The following C10orf90 variants were observed in gnomAD, a reference collection of about 807,000 sequenced individuals.
The protein encoded by C10orf90 is chromosome 10 open reading frame 90.
Under a neutral mutation model 62.5 loss-of-function variants are expected in C10orf90, and 56 were observed. The ratio of observed to expected loss-of-function variants is 0.90; its 90% CI spans 0.72 to 1.12. C10orf90 has a LOEUF of 1.12. Ranked by LOEUF, C10orf90 falls within the 50% of genes most tolerant of loss-of-function variation. The pLI is 0.00. For synonymous variants in C10orf90, 386 were observed against 340.4 expected (o/e 1.13, Z -1.47); for missense variants, 970 against 880.4 (o/e 1.10, Z -1.29).
intron 4 of C10orf90, among the ~76,000 whole-genome samples, chr10:126,474,899 C>A (rs896279669): frequency 6.6e-6 from 1 of 152,204 alleles, no homozygotes; most frequent in Non-Finnish European, 1.5e-5. Context: ...GCTTTGTCCT[C>A]TGTCAGCAAG....
intron 8 of C10orf90, among the ~76,000 whole-genome samples, chr10:126,427,791 C>CT (rs1297536175): frequency 2.0e-5 from 3 of 152,184 alleles, no homozygotes; most frequent in Non-Finnish European, 4.4e-5. Flanking sequence ...TTGACTTGGA[C>CT]TGAGCCACTA....
intron 4 of C10orf90, among the ~76,000 whole-genome samples, chr10:126,482,250 G>C (rs575838110): frequency 9.9e-5 from 15 of 152,186 alleles, no homozygotes; most frequent in Admixed American, 9.2e-4. Context: ...TCTTATGAGG[G>C]GGAGGGGAAA....
At chr10:126,450,884 A>G (rs1459822957) in intron 7 of C10orf90, among the ~76,000 whole-genome samples, 3 of 152,186 alleles carry the variant, frequency 2.0e-5, no homozygotes, top group Non-Finnish European at 4.4e-5. Flanking sequence ...CAAAGGAAAC[A>G]ATCAACAGAA....
intron 2 of C10orf90, among the ~76,000 whole-genome samples, chr10:126,605,747 T>C (rs1011400280): frequency 3.3e-5 from 5 of 152,062 alleles, no homozygotes; most frequent in Non-Finnish European, 7.4e-5. Flanking sequence ...ACCTGGACTC[T>C]AGCAATGACT....
intron 2 of C10orf90, among the ~76,000 whole-genome samples, chr10:126,565,203 T>TTATGTAATATAATATTTATATTACATAA (rs1844328225): frequency 8.1e-5 from 2 of 24,744 alleles, no homozygotes; most frequent in African/African-American, 2.3e-4. Context: ...ATATTACATA[T>TTATGTAATATAATATTTATATTACATAA]TATGTAATAT....
Position 126,661,151 on chromosome 10 carries a change from A to G in C10orf90, c.240+9090T>C, listed in dbSNP as rs575287138. On this transcript the variant is annotated intron_variant, in intron 1 of 9. Transcript: ENST00000488181. ...CCTCCAGGTCACAGGAGCAGCATCC[A>G]TAAAGTACTAGTTACAATTTGCCTG... Among the ~76,000 whole-genome samples the G allele has an allele frequency of 1.1e-4, 16 of 152,306 alleles. No homozygotes were observed. The South Asian group carries it at 3.3e-3, about 32-fold the overall frequency.
At chr10:126,474,123 C>G (rs1395398592) in intron 4 of C10orf90, among the ~76,000 whole-genome samples, 1 of 152,186 alleles carries the variant, frequency 6.6e-6, no homozygotes, top group African/African-American at 2.4e-5. Flanking sequence ...GCATTGTAAC[C>G]AGTTCCCAAG....
chr10:126,646,923 G>C (rs1352262999), intron 1 of C10orf90, among the ~76,000 whole-genome samples: 1 of 152,124 alleles, frequency 6.6e-6, no homozygotes, highest in Non-Finnish European at 1.5e-5. Context: ...CGTGGATTTG[G>C]TTAGCAGATC....
chr10:126,539,921 C>G (rs1302978939), intron 2 of C10orf90, among the ~76,000 whole-genome samples: 1 of 152,172 alleles, frequency 6.6e-6, no homozygotes, highest in Non-Finnish European at 1.5e-5. Context: ...AGGCACGAAG[C>G]TGGAATGGAA....
intron 2 of C10orf90, among the ~76,000 whole-genome samples, chr10:126,527,106 CACCA>C (rs1286047166): frequency 6.6e-6 from 1 of 151,496 alleles, no homozygotes; most frequent in Admixed American, 6.6e-5. Context: ...CGTATGATCA[CACCA>C]CATACCACAT....
chr10:126,566,984 C>A (rs1008630613), intron 2 of C10orf90, among the ~76,000 whole-genome samples: 2 of 152,030 alleles, frequency 1.3e-5, no homozygotes, highest in African/African-American at 4.8e-5. Flanking sequence ...TTAGACACAC[C>A]CATACTGAGA....
intron 2 of C10orf90, among the ~76,000 whole-genome samples, chr10:126,644,229 C>T (rs962982888): frequency 6.6e-6 from 1 of 152,200 alleles, no homozygotes. Flanking sequence ...CTCTGCCTTT[C>T]GGCCGTAAAC....
rs149400512 is a variant in C10orf90 at position 126,644,111 on chromosome 10, G to A, written c.313+2454C>T. Among the ~76,000 whole-genome samples, 894 of 152,328 alleles carry A rather than the reference G, an allele frequency of 5.9e-3. 10 individuals carry two copies. The highest frequency in any genetic ancestry group is 0.01 in the Middle Eastern group (3 of 294). The stretch of plus-strand genomic sequence containing the variant: ...CCACGATTGGAGAGAATCCTGCTAA[G>A]CCAGTTTAGGGGGAATGCCCCCGAC... On this transcript the variant is annotated intron_variant, in intron 2 of 9. Coordinates refer to ENST00000488181, the MANE Select transcript of C10orf90 (RefSeq NM_001350921.2).
At chr10:126,637,081 T>G (rs1388731044) in intron 2 of C10orf90, among the ~76,000 whole-genome samples, 1 of 152,092 alleles carries the variant, frequency 6.6e-6, no homozygotes, top group African/African-American at 2.4e-5. Flanking sequence ...GAGCCGAAAG[T>G]CACACCAAAA....
At chr10:126,661,104 GT>G (rs1846500283) in intron 1 of C10orf90, among the ~76,000 whole-genome samples, 1 of 152,064 alleles carries the variant, frequency 6.6e-6, no homozygotes, top group Admixed American at 6.5e-5. Flanking sequence ...AATCATATGT[GT>G]GTTGGGCTTC....
intron 1 of C10orf90, among the ~76,000 whole-genome samples, chr10:126,655,881 T>C (rs1030467234): frequency 6.6e-6 from 1 of 151,154 alleles, no homozygotes; most frequent in Non-Finnish European, 1.5e-5. Flanking sequence ...TCCAGCTCCC[T>C]GGCTCACCTG....
rs55780866 is a variant in C10orf90 at position 126,442,478 on chromosome 10, CATATATATATATATATATAT to C, written c.2189-12648_2189-12629del. ...ATAATAGTAGGGAACTTCAATATTTCATATATATATATATATATATATATATATATCTGTTAAGTCCATTT... is the reference window on the plus strand; with the variant it reads ...ATAATAGTAGGGAACTTCAATATTTCATATATATATCTGTTAAGTCCATTT... On this transcript the variant is annotated intron_variant, in intron 7 of 9. Coordinates refer to ENST00000488181, the MANE Select transcript of C10orf90 (RefSeq NM_001350921.2). 1.3e-3 allele frequency among the ~76,000 whole-genome samples: 43 copies of C among 33,808 alleles called. 3 individuals carry two copies. In the Admixed American group the frequency reaches 0.013, roughly 10 times the overall value. The allele number at this position is 33,808 out of a possible 152,430, so 22.2% of individuals were successfully genotyped here.
intron 2 of C10orf90, among the ~76,000 whole-genome samples, chr10:126,550,211 CTCTGAAAGT>C (rs1364395074): frequency 6.6e-6 from 1 of 152,080 alleles, no homozygotes; most frequent in Non-Finnish European, 1.5e-5. Context: ...CTGCCTCAGC[CTCTGAAAGT>C]GCTGGAATTA....
Position 126,646,592 on chromosome 10 carries a change from C to T in C10orf90, c.286G>A (p.Glu96Lys), listed in dbSNP as rs929606627. The T allele has an allele frequency of 4.4e-6, 2 of 450,372 alleles. No homozygotes were observed. The highest frequency in any genetic ancestry group is 4.0e-5 in the African/African-American group (2 of 49,824). The allele number at this position is 450,372 out of a possible 1,614,324, so 27.9% of individuals were successfully genotyped here. Residue 96 changes from glutamate (E) to lysine (K), a missense_variant, in exon 2 of 10, where the codon GAA (glutamate) becomes AAA (lysine). By Grantham distance (56) the Glu-to-Lys change is moderately conservative. Coordinates refer to ENST00000488181, the MANE Select transcript of C10orf90 (RefSeq NM_001350921.2). ...FSSPKDHSAW[E>K]RNESLSNAGL... ...GCATTGGAAAGACTTTCATTTCTTT[C>T]CCAGGCAGAATGATCTTTGGGGGAT...
Sources: gnomAD v4.1 joint callset for allele counts (sites outside exome capture counted in the v4.1 genomes callset) on GRCh38, gnomAD v4.1.1 for gene constraint, MANE v1.5 for transcripts, NCBI Gene and HGNC (gene_info 2026-07-23, HGNC 2026-07-21) for gene names.